The following RSU1 variants were observed in gnomAD, a reference collection of about 807,000 sequenced individuals.
The protein encoded by RSU1 is rsu-1.
Under a neutral mutation model 31.1 loss-of-function variants are expected in RSU1, and 26 were observed. The ratio of observed to expected loss-of-function variants is 0.84; its 90% CI spans 0.61 to 1.16. RSU1 has a LOEUF of 1.16. Among genes scored for constraint, RSU1 ranks in the 50% most tolerant of loss-of-function variants. The probability of loss-of-function intolerance (pLI) is 0.00; values close to 1 mark genes in which losing one functional copy is unlikely to be tolerated. For missense variants in RSU1, 320 were observed against 339.1 expected, an observed-to-expected ratio of 0.94 and a Z score of 0.44; for synonymous variants, 164 against 136.3, an observed-to-expected ratio of 1.20 and a Z score of -1.41.
chr10:16,616,579 C>G (rs1833981478), intron 8 of RSU1, among the ~76,000 whole-genome samples: 1 of 151,998 alleles, frequency 6.6e-6, no homozygotes, highest in African/African-American at 2.4e-5. Context: ...AATTTCAGGC[C>G]AATATTCCTG....
intron 8 of RSU1, among the ~76,000 whole-genome samples, chr10:16,663,605 A>G (rs1193957320): frequency 6.6e-6 from 1 of 152,194 alleles, no homozygotes; most frequent in Non-Finnish European, 1.5e-5. Context: ...GCCTACAGCC[A>G]GAAAGGTCAC....
At chr10:16,754,588 A>G (rs1237024579) in intron 5 of RSU1, among the ~76,000 whole-genome samples, 2 of 151,160 alleles carry the variant, frequency 1.3e-5, no homozygotes, top group Non-Finnish European at 2.9e-5. Context: ...AAGAAAGTCA[A>G]GTCTCTTAGC....
At position 16,684,377 on chromosome 10, in the gene RSU1, C is replaced by T. The variant is rs1835398852; in HGVS notation, c.731+10646G>A. 3.3e-5 allele frequency among the ~76,000 whole-genome samples: 5 copies of T among 152,222 alleles called. No homozygotes were observed. In the South Asian group the frequency reaches 6.2e-4, roughly 19 times the overall value. ...GCATGACTCCCCAACTCTCTAGATA[C>T]GAATTTTGGCAAGATAAAAAAACCA... On this transcript the variant is annotated intron_variant, in intron 8 of 8. Transcript: ENST00000345264.
intron 7 of RSU1, among the ~76,000 whole-genome samples, chr10:16,703,295 T>C (rs998665729): frequency 6.6e-6 from 1 of 152,174 alleles, no homozygotes; most frequent in African/African-American, 2.4e-5. Flanking sequence ...GCAGCGTTGG[T>C]TGTGTTAGAG....
chr10:16,765,518 T>C (rs1431589344), intron 3 of RSU1, among the ~76,000 whole-genome samples: 4 of 152,210 alleles, frequency 2.6e-5, no homozygotes, highest in Non-Finnish European at 5.9e-5. Flanking sequence ...CCCTAGAATA[T>C]ATACATTTGA....
At chr10:16,777,265 A>T (rs1035990373) in intron 3 of RSU1, among the ~76,000 whole-genome samples, 5 of 147,520 alleles carry the variant, frequency 3.4e-5, no homozygotes, top group African/African-American at 9.9e-5. Flanking sequence ...TCCACAGATT[A>T]AAAAAAAAAA....
chr10:16,786,851 T>C (rs1206300903), intron 2 of RSU1, among the ~76,000 whole-genome samples: 1 of 152,182 alleles, frequency 6.6e-6, no homozygotes, highest in Non-Finnish European at 1.5e-5. Context: ...CCGGGACAGC[T>C]CTGTGCTCAT....
In RSU1 at chr10:16,715,076, G is replaced by A. The variant is rs551559917; in HGVS notation, c.599-19921C>T. ...CAGAGGCAGGATGCCTCGCTCACCTGTCCATGGTGCTGTCCTGGCCTTCCA... is the reference window on the plus strand; with the variant it reads ...CAGAGGCAGGATGCCTCGCTCACCTATCCATGGTGCTGTCCTGGCCTTCCA... On this transcript the variant is annotated intron_variant, in intron 7 of 8. Coordinates refer to ENST00000345264, the MANE Select transcript of RSU1 (RefSeq NM_012425.4). Among the ~76,000 whole-genome samples, 5 of 152,350 alleles carry A rather than the reference G, an allele frequency of 3.3e-5. No individual in the cohort carries two copies. In the South Asian group the frequency reaches 1.0e-3, roughly 32 times the overall value.
chr10:16,615,840 C>A (rs546175811), intron 8 of RSU1, among the ~76,000 whole-genome samples: 1 of 152,158 alleles, frequency 6.6e-6, no homozygotes, highest in East Asian at 1.9e-4. Flanking sequence ...AACAAAGAGA[C>A]GACATATCAG....
At position 16,720,988 on chromosome 10, in the gene RSU1, C is replaced by T. The variant is rs181138023; in HGVS notation, c.599-25833G>A. Among the ~76,000 whole-genome samples the T allele has an allele frequency of 2.9e-3, 448 of 152,182 alleles. 4 individuals are homozygous for T. Among genetic ancestry groups the T allele is most frequent in the African/African-American group, 0.01 (425 of 41,522 alleles). The stretch of plus-strand genomic sequence containing the variant: ...GACAACTGAACAAGACCCTATCTCA[C>T]ATAAATAAATAAATAAACAAACAAA... On this transcript the variant is annotated intron_variant, in intron 7 of 8. Transcript: ENST00000345264.
chr10:16,671,792 A>G (rs1045818644), intron 8 of RSU1, among the ~76,000 whole-genome samples: 53 of 151,096 alleles, frequency 3.5e-4, no homozygotes, highest in Non-Finnish European at 6.5e-4. Flanking sequence ...TGCCCAGCTA[A>G]TTTTTGTATT....
intron 7 of RSU1, among the ~76,000 whole-genome samples, chr10:16,710,828 G>A (rs976704887): frequency 4.0e-5 from 6 of 151,702 alleles, no homozygotes; most frequent in Non-Finnish European, 5.9e-5. Context: ...CCCCCTACCC[G>A]CCGACAGGTC....
At chr10:16,742,197 C>G (rs1256990312) in intron 7 of RSU1, among the ~76,000 whole-genome samples, 3 of 152,184 alleles carry the variant, frequency 2.0e-5, no homozygotes, top group African/African-American at 7.2e-5. Flanking sequence ...CAAAACTTCA[C>G]AGGAGTATAA....
chr10:16,741,408 A>G (rs1588506104), intron 7 of RSU1, among the ~76,000 whole-genome samples: 1 of 152,336 alleles, frequency 6.6e-6, no homozygotes, highest in East Asian at 1.9e-4. Context: ...AGGGTATGGC[A>G]TTTCATTTTG....
intron 7 of RSU1, among the ~76,000 whole-genome samples, chr10:16,739,466 C>CTTTTTTTTTTTTTTT (rs35664560): frequency 1.1e-5 from 1 of 94,248 alleles, no homozygotes; most frequent in Non-Finnish European, 2.0e-5. Flanking sequence ...CATTTTCTTC[C>CTTTTTTTTTTTTTTT]TTTTTTTTTT....
chr10:16,808,968 C>A (rs140510737), intron 2 of RSU1, among the ~76,000 whole-genome samples: 62 of 152,310 alleles, frequency 4.1e-4, no homozygotes, highest in African/African-American at 1.3e-3. Context: ...GCCTCAGGAG[C>A]AGCCAGCCCT....
At chr10:16,691,452 G>A (rs1835547879) in intron 8 of RSU1, among the ~76,000 whole-genome samples, 2 of 150,616 alleles carry the variant, frequency 1.3e-5, no homozygotes, top group Non-Finnish European at 2.9e-5. Context: ...TTTTGGGCTA[G>A]TATGTTTGAC....
intron 8 of RSU1, among the ~76,000 whole-genome samples, chr10:16,607,718 G>A (rs1456831430): frequency 6.6e-6 from 1 of 152,194 alleles, no homozygotes; most frequent in Non-Finnish European, 1.5e-5. Flanking sequence ...AACTTAACAT[G>A]CTTTGCCCAG....
chr10:16,761,950 G>C (rs1043819698), intron 4 of RSU1, among the ~76,000 whole-genome samples: 6 of 152,102 alleles, frequency 3.9e-5, no homozygotes, highest in Non-Finnish European at 8.8e-5. Context: ...TCAAGTCTCG[G>C]CTCCTGTGCT....
Sources: allele counts gnomAD v4.1 joint callset (sites outside exome capture counted in the v4.1 genomes callset), GRCh38; gene constraint gnomAD v4.1.1; transcripts MANE v1.5; gene names NCBI Gene and HGNC (gene_info 2026-07-23, HGNC 2026-07-21).